Variants in SHISA9 observed in about 807,000 individuals in gnomAD.
SHISA9 encodes the protein shisa family member 9, also known as protein shisa-9.
SHISA9 carries 13 observed loss-of-function variants against 38.0 expected under a neutral mutation model. That is an observed-to-expected ratio of 0.34 (90% CI 0.22 to 0.54). The LOEUF (loss-of-function observed/expected upper bound fraction) is 0.54. Ranked by LOEUF, SHISA9 falls within the 20% of genes least tolerant of loss-of-function variation. The pLI is 0.91. For missense variants in SHISA9, 538 were observed against 575.8 expected (o/e 0.93, Z 0.67); for synonymous variants, 275 against 242.0 (o/e 1.14, Z -1.27).
chr16:13,070,833 G>A (rs1442966950), intron 2 of SHISA9, among the ~76,000 whole-genome samples: 2 of 152,136 alleles, frequency 1.3e-5, no homozygotes, highest in African/African-American at 2.4e-5. Context: ...GCCGGGATTC[G>A]AACCCAGGAG....
chr16:13,264,494 G>C, the SHISA9 span, among the ~76,000 whole-genome samples: 1 of 152,038 alleles, frequency 6.6e-6, no homozygotes, highest in East Asian at 1.9e-4. Context: ...TGAGAGTGGA[G>C]GAAACCAGGG....
chr16:13,289,040 C>T, the SHISA9 span, among the ~76,000 whole-genome samples: 2 of 152,114 alleles, frequency 1.3e-5, no homozygotes, highest in Non-Finnish European at 2.9e-5. Flanking sequence ...CAATGAAAAC[C>T]TGTCTTCAGG....
the SHISA9 span, among the ~76,000 whole-genome samples, chr16:13,534,912 G>A: frequency 1.3e-5 from 2 of 151,850 alleles, no homozygotes; most frequent in Middle Eastern, 3.2e-3. Flanking sequence ...ATATGTTGAT[G>A]ATCCCAGAAA....
chr16:13,088,661 G>T (rs541708925), intron 2 of SHISA9, among the ~76,000 whole-genome samples: 2 of 152,320 alleles, frequency 1.3e-5, no homozygotes, highest in African/African-American at 4.8e-5. Context: ...CATTGATTTT[G>T]TATCCTGAGA....
At chr16:12,951,419 T>C (rs1463488559) in intron 2 of SHISA9, among the ~76,000 whole-genome samples, 4 of 152,132 alleles carry the variant, frequency 2.6e-5, no homozygotes, top group Non-Finnish European at 2.9e-5. Context: ...ACAGTCTCTG[T>C]TGTAGTGACT....
intron 2 of SHISA9, among the ~76,000 whole-genome samples, chr16:13,103,296 C>A (rs964804486): frequency 6.6e-6 from 1 of 152,220 alleles, no homozygotes; most frequent in Non-Finnish European, 1.5e-5. Flanking sequence ...TCTCAAAGAT[C>A]TTCTCCTGGC....
At chr16:13,161,291 G>C (rs945021301) in intron 2 of SHISA9, among the ~76,000 whole-genome samples, 1 of 152,062 alleles carries the variant, frequency 6.6e-6, no homozygotes, top group African/African-American at 2.4e-5. Context: ...TGTCACTCAG[G>C]ATATCTTTCC....
the SHISA9 span, among the ~76,000 whole-genome samples, chr16:13,293,659 C>T: frequency 6.6e-6 from 1 of 152,194 alleles, no homozygotes; most frequent in African/African-American, 2.4e-5. Flanking sequence ...TCACTTATTT[C>T]CTTTTACAGT....
At chr16:13,457,671 A>C in the SHISA9 span, among the ~76,000 whole-genome samples, 1 of 151,774 alleles carries the variant, frequency 6.6e-6, no homozygotes, top group African/African-American at 2.4e-5. Context: ...CCGTAAGATT[A>C]ATCCCACTTG....
intron 2 of SHISA9, among the ~76,000 whole-genome samples, chr16:12,929,835 G>A (rs2071440639): frequency 6.6e-6 from 1 of 152,090 alleles, no homozygotes; most frequent in African/African-American, 2.4e-5. Context: ...AAATGTCCCA[G>A]AATTGCTTCC....
At chr16:13,276,911 C>T in the SHISA9 span, among the ~76,000 whole-genome samples, 3 of 151,970 alleles carry the variant, frequency 2.0e-5, no homozygotes, top group African/African-American at 7.2e-5. Context: ...AAAAGCTCTT[C>T]ATTTTAATTA....
chr16:13,187,993 A>C lies in SHISA9; in HGVS notation c.692-15401A>C, dbSNP rs550856627. Among the ~76,000 whole-genome samples the C allele has an allele frequency of 4.0e-4, 61 of 152,158 alleles. 3 individuals are homozygous for C. The South Asian group carries it at 0.013, about 32-fold the overall frequency. ...GCTGTAGATCACGTTTCATCCTCCA[A>C]CCGTGGGGGAAGTGTGCTGTGTTAT... is the stretch of plus-strand genomic sequence containing the variant. On this transcript the variant is annotated intron_variant, in intron 2 of 4. Coordinates refer to ENST00000558583, the MANE Select transcript of SHISA9 (RefSeq NM_001145204.3).
chr16:13,156,562 G>T (rs1294094842), intron 2 of SHISA9, among the ~76,000 whole-genome samples: 1 of 151,690 alleles, frequency 6.6e-6, no homozygotes, highest in African/African-American at 2.4e-5. Flanking sequence ...GTGAAACCCC[G>T]TCTCTACTAA....
At chr16:13,050,461 G>A (rs1501305) in intron 2 of SHISA9, among the ~76,000 whole-genome samples, 118,359 of 151,954 alleles carry the variant, frequency 0.78, 46,548 homozygotes, top group African/African-American at 0.89. Flanking sequence ...CCCGTCAAGT[G>A]GCTGGGACTA....
chr16:13,113,291 T>C (rs549912544), intron 2 of SHISA9, among the ~76,000 whole-genome samples: 2 of 151,954 alleles, frequency 1.3e-5, no homozygotes, highest in Non-Finnish European at 2.9e-5. Flanking sequence ...GTGTTTTCAT[T>C]TGTTGCAGTG....
chr16:12,910,531 A>C (rs557432224), intron 1 of SHISA9: 2 of 985,410 alleles, frequency 2.0e-6, no homozygotes, highest in East Asian at 1.1e-4. Context: ...CTTTCATAAG[A>C]AAGTACTGGT....
intron 2 of SHISA9, among the ~76,000 whole-genome samples, chr16:13,142,638 A>G (rs188996106): frequency 3.9e-5 from 6 of 152,284 alleles, no homozygotes; most frequent in African/African-American, 1.4e-4. Context: ...ATTTTTCATC[A>G]TCTGGCTCAA....
intron 2 of SHISA9, among the ~76,000 whole-genome samples, chr16:13,129,618 C>G (rs2050290265): frequency 6.6e-6 from 1 of 152,192 alleles, no homozygotes; most frequent in South Asian, 2.1e-4. Flanking sequence ...CATACACCCT[C>G]TGCTACAGTA....
Position 13,178,042 on chromosome 16 carries a change from T to G in SHISA9, c.692-25352T>G, listed in dbSNP as rs75143005. On this transcript the variant is annotated intron_variant, in intron 2 of 4. Coordinates refer to ENST00000558583, the MANE Select transcript of SHISA9 (RefSeq NM_001145204.3). ...TGCACATAGAGATATTTCAAAAATA[T>G]TATTGAGTGAACAAATGAACGAGTG... 7.9e-3 allele frequency among the ~76,000 whole-genome samples: 1,203 copies of G among 152,312 alleles called. 15 individuals carry two copies. Among genetic ancestry groups the G allele is most frequent in the African/African-American group, 0.027 (1,136 of 41,556 alleles).
Sources: allele counts gnomAD v4.1 joint callset (sites outside exome capture counted in the v4.1 genomes callset), GRCh38; gene constraint gnomAD v4.1.1; transcripts MANE v1.5; gene names NCBI Gene and HGNC (gene_info 2026-07-23, HGNC 2026-07-21).